FREM1: variants seen among roughly 807,000 people sequenced by gnomAD.
FREM1 encodes the protein FRAS1-related extracellular matrix protein 1.
A neutral mutation model predicts 210.1 loss-of-function variants in FREM1; 220 were observed. The observed-to-expected ratio is 1.05, with a 90% confidence interval of 0.94 to 1.17. The LOEUF is 1.17. Ranked by LOEUF, FREM1 falls within the 50% of genes most tolerant of loss-of-function variation. The probability of loss-of-function intolerance (pLI) is 0.00; values close to 1 mark genes in which losing one functional copy is unlikely to be tolerated. For missense variants in FREM1, 3,454 were observed against 2,675.5 expected (o/e 1.29, Z -6.42); for synonymous variants, 1,189 against 980.2 (o/e 1.21, Z -3.98).
chr9:14,875,871 G>A (rs1833616519), intron 1 of FREM1, among the ~76,000 whole-genome samples: 1 of 152,192 alleles, frequency 6.6e-6, no homozygotes, highest in Admixed American at 6.5e-5. Flanking sequence ...TGTCCTTTCT[G>A]TTTGTTAGTT....
At chr9:14,859,578 C>T (rs1395196225) in intron 3 of FREM1, 94 bp from the exon 4 acceptor site, 2 of 1,042,476 alleles carry the variant, frequency 1.9e-6, no homozygotes, top group South Asian at 1.7e-5. Flanking sequence ...TTGGCCTTCA[C>T]CAAATTTGTG....
At chr9:14,875,694 C>G (rs1267057838) in intron 1 of FREM1, among the ~76,000 whole-genome samples, 3 of 152,212 alleles carry the variant, frequency 2.0e-5, no homozygotes, top group African/African-American at 7.2e-5. Context: ...CATTCTCCAT[C>G]CAGCTTTGTT....
In FREM1 at chr9:14,842,417, C is replaced by T. The variant is rs779317289; in HGVS notation, c.1637G>A (p.Arg546Gln). 3.5e-5 allele frequency: 57 copies of T among 1,613,850 alleles called. No individual in the cohort carries two copies. The highest frequency in any genetic ancestry group is 4.4e-5 in the Non-Finnish European group (52 of 1,179,854). Residue 546 changes from arginine (R) to glutamine (Q), a missense_variant, in exon 9 of 37, where the codon CGA becomes CAA. Physicochemically the swap from Arg to Gln is conservative, Grantham distance 43. Transcript: ENST00000380880. ...ATCACTGGCGTCCACATCTGAAGCT[C>T]GCAGCATGGATCCCTGGATCAGGAT... is the stretch of plus-strand genomic sequence containing the variant. The part of the protein sequence containing the change: ...QTILIQGSML[R>Q]ASDVDASDDY...
chr9:14,839,941 T>C (rs577708768), intron 10 of FREM1, among the ~76,000 whole-genome samples: 5 of 152,286 alleles, frequency 3.3e-5, no homozygotes, highest in African/African-American at 1.2e-4. Flanking sequence ...ATATAATACA[T>C]TGATAAAAAG....
intron 27 of FREM1, among the ~76,000 whole-genome samples, chr9:14,761,359 A>T (rs1245608583): frequency 6.6e-6 from 1 of 152,146 alleles, no homozygotes; most frequent in Non-Finnish European, 1.5e-5. Flanking sequence ...AATCTATATA[A>T]ACATACCTGT....
chr9:14,768,654 G>A (rs1020294412), intron 27 of FREM1, among the ~76,000 whole-genome samples: 6 of 152,142 alleles, frequency 3.9e-5, no homozygotes, highest in African/African-American at 1.4e-4. Flanking sequence ...CGCTGGGAAT[G>A]TGTTTTGCTA....
At chr9:14,825,547 G>GTGTGTGTGTATATATATATATATATA in intron 10 of FREM1, among the ~76,000 whole-genome samples, 57 of 75,848 alleles carry the variant, frequency 7.5e-4, no homozygotes, top group South Asian at 9.7e-4. Flanking sequence ...GTGTGTGTGT[G>GTGTGTGTGTATATATATATATATATA]TATATATATA....
chr9:14,899,358 T>G (rs1228355641), intron 1 of FREM1, among the ~76,000 whole-genome samples: 4 of 152,166 alleles, frequency 2.6e-5, no homozygotes, highest in Non-Finnish European at 5.9e-5. Flanking sequence ...AAAGCCAAAC[T>G]TGATCTGCTC....
chr9:14,860,908 T>TATAC (rs1830084087), intron 3 of FREM1, among the ~76,000 whole-genome samples: 1 of 113,828 alleles, frequency 8.8e-6, no homozygotes, highest in Admixed American at 9.1e-5. Flanking sequence ...TATACACATA[T>TATAC]ACACATATAC....
chr9:14,893,610 T>C lies in FREM1; in HGVS notation c.-268+16304A>G, dbSNP rs148346994. Among the ~76,000 whole-genome samples the C allele has an allele frequency of 7.4e-3, 1,123 of 152,334 alleles. 14 individuals are homozygous for C. The highest frequency in any genetic ancestry group is 0.026 in the African/African-American group (1,064 of 41,558). On this transcript the variant is annotated intron_variant, in intron 1 of 36. Transcript: ENST00000380880. Reference sequence around the variant, plus strand: ...AAATAATAGGAGCTTAAATGAAATATTTTGCTAGAAAAGTAAAAAGTGTAA... The same window carrying C: ...AAATAATAGGAGCTTAAATGAAATACTTTGCTAGAAAAGTAAAAAGTGTAA...
At chr9:14,858,603 C>T (rs60434251) in intron 4 of FREM1, among the ~76,000 whole-genome samples, 25,725 of 151,504 alleles carry the variant, frequency 0.17, 2,803 homozygotes, top group East Asian at 0.56. Context: ...AGTATTACTA[C>T]TATTGCTATG....
intron 1 of FREM1, among the ~76,000 whole-genome samples, chr9:14,902,797 G>A (rs975104670): frequency 1.3e-5 from 2 of 152,194 alleles, no homozygotes; most frequent in African/African-American, 4.8e-5. Flanking sequence ...TAAGTCCAGA[G>A]TATATTACAA....
chr9:14,737,262 C>T lies in FREM1; in HGVS notation c.*134G>A. ...CTTTCTGGCACTATTAAAAATGTCC[C>T]ATTTTCACTAGACAGAATCACAAAG... On this transcript the variant is annotated 3_prime_UTR_variant, in exon 37 of 37. Transcript: ENST00000380880. 1.8e-6 allele frequency: 1 copy of T among 564,536 alleles called. No homozygotes were observed. Among genetic ancestry groups the T allele is most frequent in the Non-Finnish European group, 3.1e-6 (1 of 326,460 alleles). The allele number at this position is 564,536 out of a possible 1,614,324, so 35.0% of individuals were successfully genotyped here.
rs1040730430 is a variant in FREM1 at position 14,840,896 on chromosome 9, G to A, written c.1881+551C>T. Among the ~76,000 whole-genome samples the A allele has an allele frequency of 3.9e-5, 6 of 152,350 alleles. No individual in the cohort carries two copies. The East Asian group carries it at 5.8e-4, about 15-fold the overall frequency. On this transcript the variant is annotated intron_variant, in intron 10 of 36. Coordinates refer to ENST00000380880, the MANE Select transcript of FREM1 (RefSeq NM_001379081.2). ...TAAATTATATCCTCTAGTGGTAGAA[G>A]AGACTCTTAGATCTTTAAAGACAAC...
At chr9:14,871,517 G>T (rs1832677345) in intron 1 of FREM1, among the ~76,000 whole-genome samples, 1 of 151,980 alleles carries the variant, frequency 6.6e-6, no homozygotes, top group Admixed American at 6.6e-5. Flanking sequence ...TTTTTTTCTT[G>T]TAAATTTGTT....
chr9:14,738,367 A>AC (rs1840787374), intron 36 of FREM1, among the ~76,000 whole-genome samples: 2 of 77,058 alleles, frequency 2.6e-5, no homozygotes, highest in African/African-American at 8.4e-5. Flanking sequence ...ATAACATTTT[A>AC]CCTTCCCCAA....
At chr9:14,774,481 A>G (rs1322414756) in intron 25 of FREM1, among the ~76,000 whole-genome samples, 1 of 148,758 alleles carries the variant, frequency 6.7e-6, no homozygotes, top group African/African-American at 2.5e-5. Flanking sequence ...CTAAAATTGC[A>G]TGAGCCAATG....
At chr9:14,801,931 T>A in intron 19 of FREM1, 57 bp from the exon 20 acceptor site, 3 of 1,294,380 alleles carry the variant, frequency 2.3e-6, no homozygotes, top group Non-Finnish European at 3.3e-6. Flanking sequence ...TTGTCTTTCT[T>A]TGGAAAACTG....
intron 29 of FREM1, among the ~76,000 whole-genome samples, chr9:14,750,487 C>A (rs551281878): frequency 1.3e-5 from 2 of 151,848 alleles, no homozygotes; most frequent in African/African-American, 2.4e-5. Flanking sequence ...CGTTTAAATG[C>A]AAACACTGTA....
Sources: gnomAD v4.1 joint callset for allele counts (sites outside exome capture counted in the v4.1 genomes callset) on GRCh38, gnomAD v4.1.1 for gene constraint, MANE v1.5 for transcripts, NCBI Gene and HGNC (gene_info 2026-07-23, HGNC 2026-07-21) for gene names.